CLEC16A: variants seen among roughly 807,000 people sequenced by gnomAD.
The protein encoded by CLEC16A is C-type lectin domain containing 16A.
A neutral mutation model predicts 109.5 loss-of-function variants in CLEC16A; 51 were observed. That is an observed-to-expected ratio of 0.47 (90% confidence interval 0.37 to 0.59). The LOEUF is 0.59. CLEC16A is among the 20% of genes least tolerant of loss of function. The pLI is 0.00. For synonymous variants in CLEC16A, 673 were observed against 564.2 expected, an observed-to-expected ratio of 1.19 and a Z score of -2.73; for missense variants, 1,339 against 1,394.0, an observed-to-expected ratio of 0.96 and a Z score of 0.63.
rs1025018766 is a variant in CLEC16A, at chr16:11,137,568, G to A, written c.2641+11422G>A. Among the ~76,000 whole-genome samples, 8 of 134,452 alleles carry A rather than the reference G, an allele frequency of 6.0e-5. 1 individual carries two copies. The highest frequency in any genetic ancestry group is 4.3e-4 in the East Asian group (2 of 4,600). The allele number at this position is 134,452 out of a possible 152,430, so 88.2% of individuals were successfully genotyped here. On this transcript the variant is annotated intron_variant, in intron 22 of 23. Transcript: ENST00000409790. ...GTCAGGAGTTCCAGACTAGCTGGGT[G>A]ACAGAGCGAGACTCCATCTAAAAAA...
Position 11,178,824 on chromosome 16 carries a change from C to T in CLEC16A, c.*134C>T, listed in dbSNP as rs112886797. 29 of 643,800 alleles carry T rather than the reference C, an allele frequency of 4.5e-5. No individual in the cohort carries two copies. The highest frequency in any genetic ancestry group is 7.3e-5 in the African/African-American group (4 of 54,536). 39.9% of individuals were successfully genotyped at this position (643,800 alleles called of 1,614,324 possible). Reference sequence around the variant, plus strand: ...CAGCCATCTCAACCACCTATCCCTGCGCTCCCTTGAATGGGAAGAAGCCCC... The same window carrying T: ...CAGCCATCTCAACCACCTATCCCTGTGCTCCCTTGAATGGGAAGAAGCCCC... On this transcript the variant is annotated 3_prime_UTR_variant, in exon 24 of 24. Transcript: ENST00000409790. The surrounding 1 kb of genome is among the most constrained non-coding windows in gnomAD (Gnocchi z 6.5).
rs183166829 is a variant in CLEC16A, at chr16:11,140,792, G to A, written c.2641+14646G>A. Among the ~76,000 whole-genome samples the A allele has an allele frequency of 1.2e-3, 179 of 152,282 alleles. No homozygotes were observed. In the Middle Eastern group the frequency reaches 0.017, roughly 14 times the overall value. ...GCCGAGGAAGCCATTGCAATCAAGA[G>A]GCTAGGGCCACACACCCTGGAGCCA... On this transcript the variant is annotated intron_variant, in intron 22 of 23. Coordinates refer to ENST00000409790, the MANE Select transcript of CLEC16A (RefSeq NM_015226.3).
intron 22 of CLEC16A, among the ~76,000 whole-genome samples, chr16:11,151,558 T>G (rs189945914): frequency 1.1e-4 from 17 of 152,368 alleles, no homozygotes; most frequent in Non-Finnish European, 2.9e-5. Context: ...AATAGCAAAG[T>G]AGAAACCGTA....
chr16:10,957,903 G>GT lies in CLEC16A; in HGVS notation c.203dup (p.Phe69IlefsTer2). 6.2e-7 allele frequency: 1 copy of GT among 1,613,664 alleles called. No homozygotes were observed. Among genetic ancestry groups the GT allele is most frequent in the Non-Finnish European group, 8.5e-7 (1 of 1,179,762 alleles). ...CTGGGGAGATCAAAATGACAGCTCT[G>GT]TATTTGAGTAAGGGTTTCTAATGAT... On this transcript the variant is annotated frameshift_variant, in exon 2 of 24. Coordinates refer to ENST00000409790, the MANE Select transcript of CLEC16A (RefSeq NM_015226.3). LOFTEE classifies it high-confidence loss of function.
Position 10,954,437 on chromosome 16 carries a change from T to C in CLEC16A, c.81-3345T>C, listed in dbSNP as rs1341989728. On this transcript the variant is annotated intron_variant, in intron 1 of 23. Coordinates refer to ENST00000409790, the MANE Select transcript of CLEC16A (RefSeq NM_015226.3). The surrounding 1 kb of genome is among the most constrained non-coding windows in gnomAD (Gnocchi z 4.2). ...CTAGGTCTTTTTCCCCCAGAAATTA[T>C]TTAATAAGGGCAACAATAACAATAG... Among the ~76,000 whole-genome samples, 1 of 152,228 alleles carries C rather than the reference T, an allele frequency of 6.6e-6. No individual in the cohort carries two copies. The highest frequency in any genetic ancestry group is 1.5e-5 in the Non-Finnish European group (1 of 68,034).
chr16:11,157,206 A>T (rs1309792192), intron 22 of CLEC16A: 34 of 1,245,018 alleles, frequency 2.7e-5, no homozygotes, highest in Non-Finnish European at 3.5e-5. Context: ...GCAATCAGAA[A>T]TAAAAAGTAT....
chr16:11,008,698 T>G (rs1279201386), intron 11 of CLEC16A, among the ~76,000 whole-genome samples: 1 of 151,800 alleles, frequency 6.6e-6, no homozygotes, highest in Non-Finnish European at 1.5e-5. Flanking sequence ...TCAGTAGTGT[T>G]AAGTACATTC....
intron 11 of CLEC16A, among the ~76,000 whole-genome samples, chr16:11,004,859 G>A (rs2152757567): frequency 6.6e-6 from 1 of 152,084 alleles, no homozygotes; most frequent in East Asian, 1.9e-4. Context: ...TTCATTTTTG[G>A]CCTGGGAAGC....
intron 9 of CLEC16A, among the ~76,000 whole-genome samples, chr16:10,982,611 A>G (rs2043386478): frequency 6.6e-6 from 1 of 152,190 alleles, no homozygotes; most frequent in Admixed American, 6.5e-5. Context: ...GGCTTCACCC[A>G]GCCATGAGGG....
At chr16:11,054,466 C>T (rs535543761) in intron 18 of CLEC16A, among the ~76,000 whole-genome samples, 116 of 152,302 alleles carry the variant, frequency 7.6e-4, no homozygotes, top group African/African-American at 2.6e-3. Flanking sequence ...CTCCCTTGTC[C>T]TGGATAGGAT....
chr16:11,092,832 C>T (rs576539105), intron 19 of CLEC16A, among the ~76,000 whole-genome samples: 15 of 152,316 alleles, frequency 9.8e-5, no homozygotes, highest in East Asian at 3.9e-4. Flanking sequence ...CTATAAAACA[C>T]GGTGGTCGTG....
intron 22 of CLEC16A, among the ~76,000 whole-genome samples, chr16:11,165,330 A>C (rs1480485054): frequency 7.2e-6 from 1 of 138,384 alleles, no homozygotes; most frequent in African/African-American, 3.0e-5. Flanking sequence ...CATCTCTACC[A>C]AAAAAAAAAA....
chr16:11,047,203 TA>T, intron 16 of CLEC16A, 88 bp from the exon 17 acceptor site: 2 of 1,108,146 alleles, frequency 1.8e-6, no homozygotes, highest in Admixed American at 2.8e-5. Context: ...AGATGGCCTC[TA>T]AAGCCACAAA....
At chr16:11,084,707 C>T (rs2049915689) in intron 19 of CLEC16A, among the ~76,000 whole-genome samples, 1 of 152,110 alleles carries the variant, frequency 6.6e-6, no homozygotes, top group Non-Finnish European at 1.5e-5. Context: ...TGGAGGGAGG[C>T]AATTTTAAAC....
chr16:11,138,771 C>T (rs1597529217), intron 22 of CLEC16A, among the ~76,000 whole-genome samples: 1 of 152,168 alleles, frequency 6.6e-6, no homozygotes, highest in African/African-American at 2.4e-5. Context: ...CAGGCGCACC[C>T]TCATTCGATT....
chr16:11,145,758 G>A (rs1039081960), intron 22 of CLEC16A, among the ~76,000 whole-genome samples: 1 of 152,246 alleles, frequency 6.6e-6, no homozygotes, highest in African/African-American at 2.4e-5. Flanking sequence ...TTTAAACTCA[G>A]CCCCACTGTT....
intron 22 of CLEC16A, among the ~76,000 whole-genome samples, chr16:11,131,007 T>G (rs2053170571): frequency 1.3e-5 from 2 of 152,138 alleles, no homozygotes. Context: ...TTTGGTGTAT[T>G]TTTCTTCTTC....
At chr16:11,042,400 G>T in intron 15 of CLEC16A, 37 bp downstream of exon 15, 1 of 1,489,308 alleles carries the variant, frequency 6.7e-7, no homozygotes. Flanking sequence ...TGTGGGCCAA[G>T]GGAGAGGGAC....
chr16:11,157,754 G>A (rs2054587361), intron 22 of CLEC16A, among the ~76,000 whole-genome samples: 1 of 152,170 alleles, frequency 6.6e-6, no homozygotes, highest in South Asian at 2.1e-4. Context: ...TCTGAACCCT[G>A]CTTCCTCAGC....
Sources: gnomAD v4.1 joint callset for allele counts (sites outside exome capture counted in the v4.1 genomes callset) on GRCh38, gnomAD v4.1.1 for gene constraint, Gnocchi (gnomAD v3.1) non-coding constraint, MANE v1.5 for transcripts, NCBI Gene and HGNC (gene_info 2026-07-23, HGNC 2026-07-21) for gene names.